Variants in QRICH1 observed in about 807,000 individuals in gnomAD.
The protein encoded by QRICH1 is transcriptional regulator QRICH1.
In QRICH1, 16 loss-of-function variants were observed where a neutral mutation model predicts 87.1. The ratio of observed to expected loss-of-function variants is 0.18; its 90% confidence interval spans 0.12 to 0.28. The LOEUF is 0.28. QRICH1 is among the 10% of genes least tolerant of loss of function. The probability of loss-of-function intolerance (pLI) is 1.00; values close to 1 mark genes in which losing one functional copy is unlikely to be tolerated. For synonymous variants in QRICH1, 367 were observed against 368.4 expected (o/e 1.00, Z 0.05); for missense variants, 647 against 951.7 (o/e 0.68, Z 4.21).
At chr3:49,032,814 G>A (rs760811324) in intron 7 of QRICH1, 41 bp from the exon 8 acceptor site, 22 of 1,579,768 alleles carry the variant, frequency 1.4e-5, no homozygotes, top group Middle Eastern at 3.8e-4. Flanking sequence ...GAGGGGTGCC[G>A]GGAGGATACC....
chr3:49,064,814 C>G (rs529799416), intron 2 of QRICH1, among the ~76,000 whole-genome samples: 17 of 152,024 alleles, frequency 1.1e-4, no homozygotes, highest in African/African-American at 4.1e-4. Flanking sequence ...GTCAGGAGTT[C>G]GAGACCCGCC....
rs746921683 is a variant in QRICH1, at chr3:49,057,737, A to C, written c.463T>G (p.Ser155Ala). 7 of 1,614,048 alleles carry C rather than the reference A, an allele frequency of 4.3e-6. No homozygotes were observed. Among genetic ancestry groups the C allele is most frequent in the Non-Finnish European group, 5.9e-6 (7 of 1,180,044 alleles). Residue 155 changes from serine to alanine, a missense_variant, in exon 3 of 10, where the codon TCT (serine) becomes GCT (alanine). This residue lies in a region of QRICH1 where 156 missense variants were observed against 164.5 expected (regional missense o/e 0.95). Coordinates refer to ENST00000395443, the MANE Select transcript of QRICH1 (RefSeq NM_198880.3). The surrounding 1 kb of genome is among the most constrained non-coding windows in gnomAD (Gnocchi z 5.4). ...TGCGAGGGACTGGGACTCTGCAGAG[A>C]CGGGGTCTGAATGGAGGGGGCTGCT... ...QSAAPSIQTP[S>A]LQSPSPSQLQ...
chr3:49,030,707 C>G, intron 9 of QRICH1, 63 bp from the exon 10 acceptor site: 1 of 1,378,020 alleles, frequency 7.3e-7, no homozygotes, highest in Non-Finnish European at 9.8e-7. Context: ...CCACCCTGAA[C>G]TTCCCAGACA....
chr3:49,089,409 T>G lies in QRICH1; in HGVS notation c.-22+4503A>C, dbSNP rs115438593. ...CTAAAATTTGTATTTTTCCCAAATA[T>G]TGACGGATTGTAAACTGGCACAACC... On this transcript the variant is annotated intron_variant, in intron 1 of 9. Transcript: ENST00000395443. 7.5e-3 allele frequency among the ~76,000 whole-genome samples: 1,135 copies of G among 152,276 alleles called. 10 individuals carry two copies. Among genetic ancestry groups the G allele is most frequent in the African/African-American group, 0.026 (1,093 of 41,558 alleles).
At chr3:49,044,295 C>T in intron 6 of QRICH1, 95 bp downstream of exon 6, 3 of 936,530 alleles carry the variant, frequency 3.2e-6, no homozygotes, top group Admixed American at 4.7e-5. Context: ...TTATATCCCC[C>T]CTCACTCACA....
intron 2 of QRICH1, among the ~76,000 whole-genome samples, chr3:49,070,836 T>A (rs2093496254): frequency 6.6e-6 from 1 of 152,182 alleles, no homozygotes; most frequent in African/African-American, 2.4e-5. Flanking sequence ...TGGATGTCAT[T>A]ATATTTGTTT....
At position 49,030,580 on chromosome 3, in the gene QRICH1, T is replaced by G. The variant is rs150200364; in HGVS notation, c.2203A>C (p.Asn735His). 19 of 1,612,488 alleles carry G rather than the reference T, an allele frequency of 1.2e-5. No homozygotes were observed. Among genetic ancestry groups the G allele is most frequent in the Non-Finnish European group, 1.6e-5 (19 of 1,179,102 alleles). Residue 735 changes from asparagine to histidine, a missense_variant, in exon 10 of 10, where the codon AAC (asparagine) becomes CAC (histidine). This residue lies in a region of QRICH1 where 56 missense variants were observed against 79.4 expected (regional missense o/e 0.71). Coordinates refer to ENST00000395443, the MANE Select transcript of QRICH1 (RefSeq NM_198880.3). ...TGGACTGAGTACCAGATTGGGCTGT[T>G]GGGGGCCACCACTGGCTCAGGTGTC... ...YLTPEPVVAP[N>H]SPIWYSVQPI...
At chr3:49,038,131 G>A (rs1419974232) in intron 6 of QRICH1, among the ~76,000 whole-genome samples, 2 of 151,342 alleles carry the variant, frequency 1.3e-5, no homozygotes, top group African/African-American at 4.9e-5. Flanking sequence ...GCGCGATCTC[G>A]GCTCACTGCA....
chr3:49,064,528 C>G (rs1249925913), intron 2 of QRICH1, among the ~76,000 whole-genome samples: 16 of 151,486 alleles, frequency 1.1e-4, no homozygotes, highest in Admixed American at 1.1e-3. Context: ...GCTGAGATTA[C>G]AGGCATGAGC....
chr3:49,073,319 T>C (rs1043772911), intron 2 of QRICH1, among the ~76,000 whole-genome samples: 2 of 152,046 alleles, frequency 1.3e-5, no homozygotes, highest in Non-Finnish European at 2.9e-5. Context: ...GGCCGGTGGA[T>C]CACCTGAGAT....
At chr3:49,072,156 C>A (rs2041845467) in intron 2 of QRICH1, among the ~76,000 whole-genome samples, 1 of 152,046 alleles carries the variant, frequency 6.6e-6, no homozygotes, top group Non-Finnish European at 1.5e-5. Flanking sequence ...CATGGTGAAA[C>A]CCCATCTCTA....
chr3:49,092,098 A>C (rs1433856974), intron 1 of QRICH1, among the ~76,000 whole-genome samples: 1 of 151,974 alleles, frequency 6.6e-6, no homozygotes, highest in African/African-American at 2.4e-5. Context: ...TCAAAATTTT[A>C]AGTGTATCCT....
At chr3:49,074,503 C>T (rs571979944) in intron 2 of QRICH1, among the ~76,000 whole-genome samples, 5 of 151,556 alleles carry the variant, frequency 3.3e-5, no homozygotes, top group South Asian at 2.1e-4. Flanking sequence ...ACCCGGGAGG[C>T]GGAGCTTGCA....
intron 2 of QRICH1, among the ~76,000 whole-genome samples, chr3:49,075,059 T>C (rs1372241109): frequency 1.3e-5 from 2 of 151,916 alleles, no homozygotes; most frequent in East Asian, 3.9e-4. Flanking sequence ...TGGCAGCTCA[T>C]ATTTGTAATC....
intron 1 of QRICH1, among the ~76,000 whole-genome samples, chr3:49,083,750 AGAGT>A (rs1304840240): frequency 1.3e-5 from 2 of 151,728 alleles, no homozygotes; most frequent in Non-Finnish European, 1.5e-5. Context: ...CTTGGGTGAC[AGAGT>A]GAGACTCCAT....
intron 2 of QRICH1, among the ~76,000 whole-genome samples, chr3:49,066,465 CTT>C (rs747105949): frequency 6.3e-5 from 9 of 143,256 alleles, no homozygotes; most frequent in Non-Finnish European, 7.7e-5. Flanking sequence ...CTTTACTTTT[CTT>C]TTTTTTTTTT....
At chr3:49,041,304 T>C (rs1171708708) in intron 6 of QRICH1, among the ~76,000 whole-genome samples, 2 of 151,572 alleles carry the variant, frequency 1.3e-5, no homozygotes, top group Admixed American at 6.6e-5. Flanking sequence ...CATCAATGCA[T>C]TTTCTTTGGT....
At chr3:49,093,813 GGTA>G (rs2042327477) in intron 1 of QRICH1, 96 bp downstream of exon 1, 1 of 365,460 alleles carries the variant, frequency 2.7e-6, no homozygotes, top group Non-Finnish European at 4.9e-6. Flanking sequence ...AGGGCCCAGC[GGTA>G]GTGGCCCGCC....
chr3:49,091,005 G>A (rs2042265764), intron 1 of QRICH1, among the ~76,000 whole-genome samples: 1 of 152,086 alleles, frequency 6.6e-6, no homozygotes, highest in African/African-American at 2.4e-5. Context: ...GGAGGATCCC[G>A]AGGTCAGGAG....
Sources: allele counts gnomAD v4.1 joint callset (sites outside exome capture counted in the v4.1 genomes callset), GRCh38; gene constraint gnomAD v4.1.1; regional missense constraint gnomAD v4.1.1; non-coding constraint Gnocchi (gnomAD v3.1); transcripts MANE v1.5; gene names NCBI Gene and HGNC (gene_info 2026-07-23, HGNC 2026-07-21).